USP26: variants seen among roughly 807,000 people sequenced by gnomAD.
The protein encoded by USP26 is ubiquitin specific peptidase 26, also known as ubiquitin carboxyl-terminal hydrolase 26.
For missense variants in USP26, 649 were observed against 642.3 expected, an observed-to-expected ratio of 1.01 and a Z score of -0.11; for synonymous variants, 236 against 240.6, an observed-to-expected ratio of 0.98 and a Z score of 0.18.
chrX:133,079,162 A>G (rs1164600447), intron 5 of USP26, among the ~76,000 whole-genome samples: 1 of 111,777 alleles, frequency 8.9e-6, no homozygotes, highest in African/African-American at 3.3e-5. Flanking sequence ...CCAAAACCTC[A>G]TAAATATCCA....
chrX:133,026,325 A>AT lies in USP26; in HGVS notation c.1895dup (p.Asn632LysfsTer3). On this transcript the variant is annotated frameshift_variant, in exon 6 of 6. Transcript: ENST00000511190. LOFTEE classifies it low-confidence loss of function (END_TRUNC). ...CAGATTCTAGCTCATTTGGTTTAGA[A>AT]TTTTTTCCAAGGTACTTTTGCTGCT... 3 of 1,204,598 alleles carry AT rather than the reference A, an allele frequency of 2.5e-6. No individual in the cohort carries two copies. The highest frequency in any genetic ancestry group is 3.4e-6 in the Non-Finnish European group (3 of 893,959).
At chrX:133,049,117 G>A (rs1387646124) in intron 5 of USP26, among the ~76,000 whole-genome samples, 1 of 111,981 alleles carries the variant, frequency 8.9e-6, no homozygotes, top group Non-Finnish European at 1.9e-5. Context: ...GAGTTGTACT[G>A]GGCATTTTCT....
Position 133,026,810 on chromosome X carries a change from T to A in USP26, c.1411A>T (p.Arg471Ter), listed in dbSNP as rs966367021. ...ATAGATGAAGGATGTGCTTTTATTC[T>A]TTGGGGAAGGTTGATGGAGAGGTAA... Reference protein sequence around the residue: ...NNYLSINLPQRIKAHPSSIQS... With the variant: ...NNYLSINLPQ The change falls in exon 6 of 6, where the codon AGA becomes TGA. Residue 471 changes from arginine to a stop codon, truncating the protein, a stop_gained. Coordinates refer to ENST00000511190, the MANE Select transcript of USP26 (RefSeq NM_031907.3). LOFTEE classifies it low-confidence loss of function (END_TRUNC). 2 of 1,211,514 alleles carry A rather than the reference T, an allele frequency of 1.7e-6. No individual in the cohort carries two copies. The highest frequency in any genetic ancestry group is 2.2e-6 in the Non-Finnish European group (2 of 895,411).
Position 133,024,170 on chromosome X carries a change from G to A in USP26, c.*1309C>T, listed in dbSNP as rs1375607385. On this transcript the variant is annotated 3_prime_UTR_variant, in exon 6 of 6. Coordinates refer to ENST00000511190, the MANE Select transcript of USP26 (RefSeq NM_031907.3). ...CTTCATATGGAGTTTCTGATGTTGT[G>A]TCAAATAAGTAACAAGTAATACTTT... Among the ~76,000 whole-genome samples the A allele has an allele frequency of 9.1e-6, 1 of 110,347 alleles. No individual in the cohort carries two copies. Among genetic ancestry groups the A allele is most frequent in the Non-Finnish European group, 1.9e-5 (1 of 52,944 alleles).
At chrX:133,033,133 T>G (rs921964559) in intron 5 of USP26, among the ~76,000 whole-genome samples, 3 of 110,907 alleles carry the variant, frequency 2.7e-5, no homozygotes, top group Admixed American at 1.9e-4. Flanking sequence ...TTTTTTACCC[T>G]CCCAAGTTTG....
intron 5 of USP26, among the ~76,000 whole-genome samples, chrX:133,069,560 T>A (rs1303741373): frequency 9.0e-6 from 1 of 110,696 alleles, no homozygotes; most frequent in Non-Finnish European, 1.9e-5. Context: ...AAGAGACACA[T>A]ATAAGAAATA....
chrX:133,082,191 C>CT (rs2067572481), intron 5 of USP26, among the ~76,000 whole-genome samples: 2 of 111,837 alleles, frequency 1.8e-5, no homozygotes, highest in African/African-American at 3.3e-5. Flanking sequence ...TTCCTGTTTG[C>CT]TTTATTGTCA....
Position 133,027,439 on chromosome X carries a change from T to G in USP26, c.782A>C (p.Lys261Thr), listed in dbSNP as rs1169949446. The G allele has an allele frequency of 2.5e-6, 3 of 1,209,730 alleles. No individual in the cohort carries two copies. The highest frequency in any genetic ancestry group is 3.4e-6 in the Non-Finnish European group (3 of 894,748). ...DIGLLQALTE[K>T]MVLVFLLQQG... Reference sequence around the variant, plus strand: ...TTGTAACAGAAATACCAAAACCATTTTCTCAGTGAGAGCTTGGAGAAGACC... The same window carrying G: ...TTGTAACAGAAATACCAAAACCATTGTCTCAGTGAGAGCTTGGAGAAGACC... Residue 261 changes from lysine to threonine, a missense_variant, in exon 6 of 6, where the codon AAA (lysine) becomes ACA (threonine). Coordinates refer to ENST00000511190, the MANE Select transcript of USP26 (RefSeq NM_031907.3).
At chrX:133,086,000 T>C (rs1180219539) in intron 4 of USP26, among the ~76,000 whole-genome samples, 1 of 110,891 alleles carries the variant, frequency 9.0e-6, no homozygotes, top group Non-Finnish European at 1.9e-5. Context: ...TGTGTGTGAG[T>C]GCACCTGGTG....
chrX:133,042,625 G>T (rs766215456), intron 5 of USP26, among the ~76,000 whole-genome samples: 10 of 111,718 alleles, frequency 9.0e-5, no homozygotes, highest in Non-Finnish European at 1.9e-4. Flanking sequence ...CTGCAGACTG[G>T]CACTGTTTCT....
chrX:133,047,542 A>T (rs1016952331), intron 5 of USP26, among the ~76,000 whole-genome samples: 3 of 112,099 alleles, frequency 2.7e-5, no homozygotes, highest in Admixed American at 1.9e-4. Context: ...TATAAATTGC[A>T]AATAGCTTTG....
In USP26 at chrX:133,034,422, C is replaced by T. The variant is rs771907677; in HGVS notation, c.-76-6126G>A. On this transcript the variant is annotated intron_variant, in intron 5 of 5. Transcript: ENST00000511190. ...CATCAAGCTGACTATGACATGAAGG[C>T]AAGGTTAAATAAGACAGGAGACTAA... Among the ~76,000 whole-genome samples the T allele has an allele frequency of 2.7e-5, 3 of 111,288 alleles. No individual in the cohort carries two copies. In the South Asian group the frequency reaches 1.1e-3, roughly 42 times the overall value.
chrX:133,044,909 C>G (rs1359258240), intron 5 of USP26, among the ~76,000 whole-genome samples: 2 of 113,136 alleles, frequency 1.8e-5, no homozygotes, highest in Non-Finnish European at 3.7e-5. Flanking sequence ...CCAATCAGCA[C>G]TCTGTGTCTA....
At chrX:133,054,446 A>G (rs971735272) in intron 5 of USP26, among the ~76,000 whole-genome samples, 5 of 111,721 alleles carry the variant, frequency 4.5e-5, no homozygotes, top group Non-Finnish European at 9.4e-5. Flanking sequence ...TTCAAGTCAC[A>G]TTTGCTGTCT....
intron 2 of USP26, among the ~76,000 whole-genome samples, chrX:133,091,114 C>A (rs2067605882): frequency 8.9e-6 from 1 of 112,243 alleles, no homozygotes; most frequent in African/African-American, 3.2e-5. Context: ...GCAATGTCTG[C>A]AGAGCAAGGA....
At chrX:133,079,178 T>C (rs1191209461) in intron 5 of USP26, among the ~76,000 whole-genome samples, 1 of 111,772 alleles carries the variant, frequency 8.9e-6, no homozygotes, top group Non-Finnish European at 1.9e-5. Context: ...ATCCAGACTG[T>C]GCATGCCCCT....
rs751462853 is a variant in USP26, at chrX:133,027,198, G to C, written c.1023C>G (p.Cys341Trp). The change falls in exon 6 of 6, where the codon TGC becomes TGG. Residue 341 changes from cysteine (C) to tryptophan (W), a missense_variant. Physicochemically the swap from Cys to Trp is radical, Grantham distance 215 (BLOSUM62 -2). Coordinates refer to ENST00000511190, the MANE Select transcript of USP26 (RefSeq NM_031907.3). ...CTTTAAAAAAAAGTAGCCGTGCCAA[G>C]CACATGGTAAGAGCATTAAGGGGAA... ...GKIPLNALTM[C>W]LARLLFFKDT... is the part of the protein sequence containing the mutation. 8.3e-7 allele frequency: 1 copy of C among 1,209,680 alleles called. No individual in the cohort carries two copies. Among genetic ancestry groups the C allele is most frequent in the Admixed American group, 2.2e-5 (1 of 45,873 alleles).
Position 133,094,897 on chromosome X carries a change from C to T in USP26, c.-393+2133G>A, listed in dbSNP as rs760661330. Among the ~76,000 whole-genome samples, 10 of 110,484 alleles carry T rather than the reference C, an allele frequency of 9.1e-5. No individual in the cohort carries two copies. The South Asian group carries it at 1.5e-3, about 17-fold the overall frequency. On this transcript the variant is annotated intron_variant, in intron 1 of 5. Transcript: ENST00000511190. ...ATCACCTGAGGTAAGGAGTTCAAGA[C>T]CAGTCTGGCCAACTTGGTGAAACCC...
intron 1 of USP26, among the ~76,000 whole-genome samples, chrX:133,093,134 A>G (rs945393784): frequency 9.1e-6 from 1 of 109,842 alleles, no homozygotes; most frequent in African/African-American, 3.3e-5. Context: ...AACAATGACA[A>G]CAAACCATGC....
Sources: gnomAD v4.1 joint callset for allele counts (sites outside exome capture counted in the v4.1 genomes callset) on GRCh38, gnomAD v4.1.1 for gene constraint, MANE v1.5 for transcripts, NCBI Gene and HGNC (gene_info 2026-07-23, HGNC 2026-07-21) for gene names.